The following ACAP2 variants were observed in gnomAD, a reference collection of about 807,000 sequenced individuals.
ACAP2 encodes arf-GAP with coiled-coil, ANK repeat and PH domain-containing protein 2.
Under a neutral mutation model 115.8 loss-of-function variants are expected in ACAP2, and 39 were observed. The observed-to-expected ratio is 0.34, with a 90% confidence interval of 0.26 to 0.44. The LOEUF (loss-of-function observed/expected upper bound fraction) is 0.44. Among genes scored for constraint, ACAP2 ranks in the 20% least tolerant of loss-of-function variants. The pLI, the probability that ACAP2 is intolerant of heterozygous loss-of-function variation, is 1.00. For missense variants in ACAP2, 662 were observed against 927.6 expected, an observed-to-expected ratio of 0.71 and a Z score of 3.72; for synonymous variants, 289 against 315.8, an observed-to-expected ratio of 0.92 and a Z score of 0.90.
intron 1 of ACAP2, among the ~76,000 whole-genome samples, chr3:195,420,548 C>A (rs148402357): frequency 6.6e-6 from 1 of 151,980 alleles, no homozygotes; most frequent in East Asian, 1.9e-4. Flanking sequence ...TGGGGTTTCA[C>A]CGTGTTAGAT....
chr3:195,356,939 GA>G (rs1732012164), intron 4 of ACAP2, among the ~76,000 whole-genome samples: 1 of 151,326 alleles, frequency 6.6e-6, no homozygotes, highest in Non-Finnish European at 1.5e-5. Context: ...TTCTGCTTGA[GA>G]AAAGGGGAGG....
At chr3:195,390,445 T>C (rs1734594239) in intron 2 of ACAP2, among the ~76,000 whole-genome samples, 1 of 152,230 alleles carries the variant, frequency 6.6e-6, no homozygotes, top group African/African-American at 2.4e-5. Flanking sequence ...AAAATTTTGA[T>C]GTAATTTGTT....
chr3:195,298,210 G>A (rs1334928120), intron 15 of ACAP2, among the ~76,000 whole-genome samples: 1 of 150,732 alleles, frequency 6.6e-6, no homozygotes, highest in Non-Finnish European at 1.5e-5. Context: ...AGTCTGGGAA[G>A]AGCACTCTCA....
chr3:195,294,603 A>T lies in ACAP2; in HGVS notation c.1765+116T>A, dbSNP rs1175327459. On this transcript the variant is annotated intron_variant, in intron 18 of 22. Coordinates refer to ENST00000326793, the MANE Select transcript of ACAP2 (RefSeq NM_012287.6). Reference sequence around the variant, plus strand: ...CAAAAAAAAAAGAAGAAAAAAAAAAAAAAAATTATATATATATATATATAT... The same window carrying T: ...CAAAAAAAAAAGAAGAAAAAAAAAATAAAAATTATATATATATATATATAT... 167 of 78,416 alleles carry T rather than the reference A, an allele frequency of 2.1e-3. 2 individuals are homozygous for T. Among genetic ancestry groups the T allele is most frequent in the African/African-American group, 8.0e-3 (106 of 13,168 alleles). 4.9% of individuals were successfully genotyped at this position (78,416 alleles called of 1,614,324 possible).
intron 1 of ACAP2, among the ~76,000 whole-genome samples, chr3:195,404,660 TAC>T (rs541037995): frequency 4.7e-5 from 7 of 150,318 alleles, no homozygotes; most frequent in South Asian, 2.1e-4. Context: ...TTGCCATATA[TAC>T]ACACACACAC....
chr3:195,351,326 A>G (rs978986601), intron 4 of ACAP2, among the ~76,000 whole-genome samples: 4 of 152,084 alleles, frequency 2.6e-5, no homozygotes, highest in Non-Finnish European at 5.9e-5. Context: ...CATGTTGCCC[A>G]GGATGGTCAT....
Position 195,405,460 on chromosome 3 carries a change from G to A in ACAP2, c.54-13313C>T, listed in dbSNP as rs145348261. On this transcript the variant is annotated intron_variant, in intron 1 of 22. Transcript: ENST00000326793. ...CCAGCACTTTGAGAGGCCAAGGTGG[G>A]CAGATCACGAGGTCAGGAGTTCGAG... Among the ~76,000 whole-genome samples, 954 of 152,270 alleles carry A rather than the reference G, an allele frequency of 6.3e-3. 8 individuals carry two copies. The highest frequency in any genetic ancestry group is 8.7e-3 in the Non-Finnish European group (591 of 68,004).
intron 4 of ACAP2, among the ~76,000 whole-genome samples, chr3:195,358,781 C>G (rs989743209): frequency 6.6e-6 from 1 of 151,786 alleles, no homozygotes; most frequent in African/African-American, 2.4e-5. Context: ...AAAGTTTATT[C>G]GAAAGGATAG....
At chr3:195,383,886 T>C (rs1353799105) in intron 2 of ACAP2, among the ~76,000 whole-genome samples, 3 of 152,206 alleles carry the variant, frequency 2.0e-5, no homozygotes, top group Non-Finnish European at 4.4e-5. Flanking sequence ...TGAAAAGATA[T>C]TCATTCTCAC....
intron 4 of ACAP2, among the ~76,000 whole-genome samples, chr3:195,357,026 G>A (rs574797093): frequency 4.6e-5 from 7 of 151,992 alleles, no homozygotes; most frequent in Admixed American, 2.0e-4. Context: ...AAGTGGGTTC[G>A]TAGGGTCCCT....
At chr3:195,391,394 T>C (rs968298976) in intron 2 of ACAP2, among the ~76,000 whole-genome samples, 6 of 151,846 alleles carry the variant, frequency 4.0e-5, no homozygotes, top group Non-Finnish European at 7.4e-5. Flanking sequence ...CACACTAATT[T>C]TGTATTTTTT....
At chr3:195,284,329 G>A (rs1390027644) in intron 22 of ACAP2, among the ~76,000 whole-genome samples, 2 of 152,200 alleles carry the variant, frequency 1.3e-5, no homozygotes, top group African/African-American at 4.8e-5. Context: ...AATACTATCA[G>A]TTAAGAATAT....
In ACAP2 at chr3:195,305,071, G is replaced by T. The variant is rs557487266; in HGVS notation, c.1116+1440C>A. Among the ~76,000 whole-genome samples the T allele has an allele frequency of 7.2e-5, 11 of 152,290 alleles. 1 individual carries two copies. The South Asian group carries it at 2.3e-3, about 32-fold the overall frequency. On this transcript the variant is annotated intron_variant, in intron 13 of 22. Coordinates refer to ENST00000326793, the MANE Select transcript of ACAP2 (RefSeq NM_012287.6). ...CATCATAGTATGCAATGATGGTTAAGATCCACAGCTCTAACACTGATTCCA... is the reference window on the plus strand; with the variant it reads ...CATCATAGTATGCAATGATGGTTAATATCCACAGCTCTAACACTGATTCCA...
chr3:195,406,200 G>C (rs1712754857), intron 1 of ACAP2, among the ~76,000 whole-genome samples: 1 of 152,050 alleles, frequency 6.6e-6, no homozygotes, highest in South Asian at 2.1e-4. Context: ...ATCACATCAA[G>C]AATCAAGAGT....
chr3:195,316,462 A>G (rs76248807), intron 10 of ACAP2, among the ~76,000 whole-genome samples: 3,490 of 152,244 alleles, frequency 0.023, 135 homozygotes, highest in African/African-American at 0.079. Context: ...GCAGTGGCAC[A>G]ATCTTGACTC....
intron 1 of ACAP2, among the ~76,000 whole-genome samples, chr3:195,408,725 A>G (rs1247216140): frequency 2.0e-5 from 3 of 152,208 alleles, no homozygotes; most frequent in Non-Finnish European, 4.4e-5. Context: ...ACTGAATTCT[A>G]CAGCATAGTA....
chr3:195,340,299 T>G (rs1730783034), intron 6 of ACAP2, among the ~76,000 whole-genome samples: 1 of 149,304 alleles, frequency 6.7e-6, no homozygotes, highest in Non-Finnish European at 1.5e-5. Context: ...TCTATGAGAG[T>G]AAAAAAGTGA....
At chr3:195,416,336 C>T (rs528645694) in intron 1 of ACAP2, among the ~76,000 whole-genome samples, 46 of 148,346 alleles carry the variant, frequency 3.1e-4, no homozygotes, top group African/African-American at 1.1e-3. Flanking sequence ...CAGAGCAAGA[C>T]GCCGTCAAAA....
chr3:195,392,844 G>A (rs1285215092), intron 1 of ACAP2, among the ~76,000 whole-genome samples: 1 of 152,150 alleles, frequency 6.6e-6, no homozygotes, highest in African/African-American at 2.4e-5. Context: ...TTTTGGGGAT[G>A]AAAACATTTT....
Sources: gnomAD v4.1 joint callset for allele counts (sites outside exome capture counted in the v4.1 genomes callset) on GRCh38, gnomAD v4.1.1 for gene constraint, MANE v1.5 for transcripts, NCBI Gene and HGNC (gene_info 2026-07-23, HGNC 2026-07-21) for gene names.